The following TAFA1 variants were observed in gnomAD, a reference collection of about 807,000 sequenced individuals.
The protein encoded by TAFA1 is chemokine-like protein TAFA-1.
In TAFA1, 4 loss-of-function variants were observed where a neutral mutation model predicts 18.5. The observed-to-expected ratio is 0.22, with a 90% CI of 0.11 to 0.49. TAFA1 has a LOEUF of 0.49. Ranked by LOEUF, TAFA1 falls within the 20% of genes least tolerant of loss-of-function variation. The probability of loss-of-function intolerance (pLI) is 0.98; values close to 1 mark genes in which losing one functional copy is unlikely to be tolerated. For synonymous variants in TAFA1, 56 were observed against 55.2 expected, an observed-to-expected ratio of 1.01 and a Z score of -0.06; for missense variants, 147 against 169.0, an observed-to-expected ratio of 0.87 and a Z score of 0.72.
intron 2 of TAFA1, among the ~76,000 whole-genome samples, chr3:68,201,573 G>T: frequency 6.6e-6 from 1 of 151,672 alleles, no homozygotes; most frequent in East Asian, 1.9e-4. Context: ...TATTAGGCAC[G>T]TAGATAAAGA....
At chr3:68,503,131 C>T (rs1054716370) in intron 3 of TAFA1, among the ~76,000 whole-genome samples, 1 of 152,068 alleles carries the variant, frequency 6.6e-6, no homozygotes, top group Non-Finnish European at 1.5e-5. Context: ...TCTCATGTGA[C>T]AAGTCAAGTG....
chr3:68,530,147 A>C (rs1259640519), intron 3 of TAFA1, among the ~76,000 whole-genome samples: 1 of 152,164 alleles, frequency 6.6e-6, no homozygotes, highest in Non-Finnish European at 1.5e-5. Context: ...TTTGATAAAC[A>C]TTTGCTGAAT....
At chr3:68,439,410 T>C (rs1170629503) in intron 3 of TAFA1, among the ~76,000 whole-genome samples, 1 of 77,946 alleles carries the variant, frequency 1.3e-5, no homozygotes, top group Non-Finnish European at 2.5e-5. Context: ...TATATATACA[T>C]ACATATATAT....
chr3:67,999,470 G>C (rs1456039860), upstream of TAFA1, among the ~76,000 whole-genome samples: 1 of 152,116 alleles, frequency 6.6e-6, no homozygotes. Flanking sequence ...TAAGAGGCTA[G>C]ACTAGGAGAT....
chr3:68,022,941 T>G (rs780080418), intron 2 of TAFA1, among the ~76,000 whole-genome samples: 68 of 148,878 alleles, frequency 4.6e-4, no homozygotes, highest in South Asian at 8.4e-4. Flanking sequence ...ATCCTTATAT[T>G]TACCACTGTG....
rs145311975 is a variant in TAFA1 at position 68,062,903 on chromosome 3, A to G, written c.118+56159A>G. Among the ~76,000 whole-genome samples the G allele has an allele frequency of 6.4e-3, 974 of 152,336 alleles. 13 individuals are homozygous for G. Among genetic ancestry groups the G allele is most frequent in the African/African-American group, 0.022 (914 of 41,580 alleles). Reference sequence around the variant, plus strand: ...CAAAAGCTCTCAAAAGCAATTAGCTAAAAGCACTAGTTTTTGACAGTCTTC... The same window carrying G: ...CAAAAGCTCTCAAAAGCAATTAGCTGAAAGCACTAGTTTTTGACAGTCTTC... On this transcript the variant is annotated intron_variant, in intron 2 of 4. Coordinates refer to ENST00000478136, the MANE Select transcript of TAFA1 (RefSeq NM_213609.4).
chr3:68,225,743 A>T (rs1321729297), intron 2 of TAFA1, among the ~76,000 whole-genome samples: 1 of 152,136 alleles, frequency 6.6e-6, no homozygotes, highest in Non-Finnish European at 1.5e-5. Context: ...GAATTTCCAC[A>T]TCTTAAATTC....
At chr3:68,100,136 C>T (rs1490984108) in intron 2 of TAFA1, among the ~76,000 whole-genome samples, 2 of 151,940 alleles carry the variant, frequency 1.3e-5, no homozygotes, top group Non-Finnish European at 1.5e-5. Flanking sequence ...CACGTACAAT[C>T]CCTGAATATA....
At chr3:68,497,795 A>G (rs924129523) in intron 3 of TAFA1, among the ~76,000 whole-genome samples, 2 of 152,172 alleles carry the variant, frequency 1.3e-5, no homozygotes, top group South Asian at 4.1e-4. Flanking sequence ...GTGTTTGTTC[A>G]TTTGTTTCTT....
intron 2 of TAFA1, among the ~76,000 whole-genome samples, chr3:68,311,488 G>T (rs1452055318): frequency 2.0e-5 from 3 of 152,088 alleles, no homozygotes; most frequent in Admixed American, 1.3e-4. Context: ...ACAGGCATTG[G>T]ATAAATACAA....
chr3:68,113,215 T>C (rs955581045), intron 2 of TAFA1, among the ~76,000 whole-genome samples: 2 of 152,202 alleles, frequency 1.3e-5, no homozygotes, highest in African/African-American at 2.4e-5. Context: ...ATTGTGAGGA[T>C]AGGCAAAGAT....
At chr3:68,174,111 G>A (rs1409053338) in intron 2 of TAFA1, among the ~76,000 whole-genome samples, 2 of 152,044 alleles carry the variant, frequency 1.3e-5, no homozygotes, top group Admixed American at 6.5e-5. Flanking sequence ...CAGATCTACA[G>A]AATCAAAATC....
At chr3:68,198,976 T>A (rs180911874) in intron 2 of TAFA1, among the ~76,000 whole-genome samples, 10 of 151,670 alleles carry the variant, frequency 6.6e-5, no homozygotes, top group South Asian at 2.1e-4. Flanking sequence ...TCTTTTATGT[T>A]ATCTTCTAGG....
intron 2 of TAFA1, among the ~76,000 whole-genome samples, chr3:68,111,661 TGCTAA>T (rs1340975449): frequency 3.3e-5 from 5 of 152,064 alleles, no homozygotes; most frequent in Admixed American, 2.0e-4. Context: ...CATTAGATTA[TGCTAA>T]GCTAAGAAAA....
At chr3:68,522,168 A>T (rs2073038015) in intron 3 of TAFA1, among the ~76,000 whole-genome samples, 1 of 151,966 alleles carries the variant, frequency 6.6e-6, no homozygotes, top group South Asian at 2.1e-4. Context: ...TTATTTATAA[A>T]TTTTTCTAGA....
intron 2 of TAFA1, among the ~76,000 whole-genome samples, chr3:68,138,822 T>C (rs1278162089): frequency 1.3e-5 from 2 of 152,204 alleles, no homozygotes; most frequent in Non-Finnish European, 2.9e-5. Flanking sequence ...ATAGTTGGTT[T>C]TCATAACAGT....
intron 2 of TAFA1, among the ~76,000 whole-genome samples, chr3:68,379,795 T>C (rs1423804103): frequency 6.6e-6 from 1 of 152,020 alleles, no homozygotes; most frequent in African/African-American, 2.4e-5. Context: ...CTTTAAGTTT[T>C]AGGGTACATG....
intron 2 of TAFA1, among the ~76,000 whole-genome samples, chr3:68,183,763 A>G (rs1236556417): frequency 6.6e-6 from 1 of 152,162 alleles, no homozygotes; most frequent in East Asian, 1.9e-4. Context: ...GCTCCTAAGC[A>G]CATTCTATTT....
intron 3 of TAFA1, among the ~76,000 whole-genome samples, chr3:68,524,497 A>G (rs925882393): frequency 1.3e-5 from 2 of 152,184 alleles, no homozygotes; most frequent in Non-Finnish European, 2.9e-5. Context: ...ATTACCTGAC[A>G]TAAAGAGGCA....
Sources: allele counts gnomAD v4.1 joint callset (sites outside exome capture counted in the v4.1 genomes callset), GRCh38; gene constraint gnomAD v4.1.1; transcripts MANE v1.5; gene names NCBI Gene and HGNC (gene_info 2026-07-23, HGNC 2026-07-21).